The following LRRC4C variants were observed in gnomAD, a reference collection of about 807,000 sequenced individuals.
LRRC4C encodes the protein leucine rich repeat containing 4C.
A neutral mutation model predicts 33.6 loss-of-function variants in LRRC4C; 5 were observed. The ratio of observed to expected loss-of-function variants is 0.15; its 90% CI spans 0.08 to 0.31. The LOEUF is 0.31. Among genes scored for constraint, LRRC4C ranks in the 10% least tolerant of loss-of-function variants. The pLI, the probability that LRRC4C is intolerant of heterozygous loss-of-function variation, is 1.00. For missense variants in LRRC4C, 560 were observed against 796.7 expected, an observed-to-expected ratio of 0.70 and a Z score of 3.58; for synonymous variants, 329 against 302.0, an observed-to-expected ratio of 1.09 and a Z score of -0.93.
chr11:40,681,472 G>A (rs1006955857), intron 2 of LRRC4C, among the ~76,000 whole-genome samples: 1 of 152,190 alleles, frequency 6.6e-6, no homozygotes, highest in Non-Finnish European at 1.5e-5. Flanking sequence ...TTCTATGTGA[G>A]AAAGTCTTTG....
intron 2 of LRRC4C, among the ~76,000 whole-genome samples, chr11:40,856,128 A>T (rs1953769713): frequency 1.3e-5 from 2 of 152,140 alleles, no homozygotes; most frequent in South Asian, 4.1e-4. Context: ...GCCATCCATT[A>T]CTGTATGAGC....
At chr11:40,198,645 A>T (rs1862460536) in intron 5 of LRRC4C, among the ~76,000 whole-genome samples, 1 of 152,232 alleles carries the variant, frequency 6.6e-6, no homozygotes, top group African/African-American at 2.4e-5. Flanking sequence ...CTTATTTAGC[A>T]TAGGCACCCA....
intron 1 of LRRC4C, among the ~76,000 whole-genome samples, chr11:41,210,465 C>T (rs577812436): frequency 6.6e-6 from 1 of 152,094 alleles, no homozygotes; most frequent in Non-Finnish European, 1.5e-5. Flanking sequence ...TGATTGTGAG[C>T]CCTCCCCAGC....
chr11:41,413,875 C>G (rs940201481), intron 1 of LRRC4C, among the ~76,000 whole-genome samples: 4 of 152,140 alleles, frequency 2.6e-5, no homozygotes, highest in Admixed American at 6.6e-5. Context: ...TTGTGAGAAA[C>G]TTACAAATAT....
At chr11:41,202,905 C>T (rs994406926) in intron 1 of LRRC4C, among the ~76,000 whole-genome samples, 1 of 152,028 alleles carries the variant, frequency 6.6e-6, no homozygotes, top group Non-Finnish European at 1.5e-5. Context: ...CCTGCCTCAA[C>T]CTCCTGAGTA....
chr11:40,366,696 C>G (rs187620586), intron 3 of LRRC4C, among the ~76,000 whole-genome samples: 11 of 151,984 alleles, frequency 7.2e-5, no homozygotes, highest in African/African-American at 2.7e-4. Context: ...ACATAACAAA[C>G]ATTTTTGAGT....
chr11:40,669,201 T>A (rs1196537038), intron 2 of LRRC4C, among the ~76,000 whole-genome samples: 2 of 152,182 alleles, frequency 1.3e-5, no homozygotes, highest in Admixed American at 6.5e-5. Context: ...CCATATCGAA[T>A]TCACAAAATC....
chr11:40,385,878 A>ATAAATAAATAAATAAG (rs1186224973), intron 3 of LRRC4C, among the ~76,000 whole-genome samples: 1 of 149,152 alleles, frequency 6.7e-6, no homozygotes, highest in African/African-American at 2.4e-5. Flanking sequence ...AAATAAATAA[A>ATAAATAAATAAATAAG]TAAATAAATA....
Position 40,244,110 on chromosome 11 carries a change from T to A in LRRC4C, c.-175-2512A>T, listed in dbSNP as rs184923295. 3.5e-3 allele frequency among the ~76,000 whole-genome samples: 526 copies of A among 152,208 alleles called. 3 individuals carry two copies. The highest frequency in any genetic ancestry group is 5.7e-3 in the Non-Finnish European group (385 of 68,010). On this transcript the variant is annotated intron_variant, in intron 4 of 6. Coordinates refer to ENST00000528697, the MANE Select transcript of LRRC4C (RefSeq NM_001258419.2). ...AGCGAACCTAGAAGTTTATAGTCTG[T>A]TTAAGTAGTGGAGATGCACAAACAA...
intron 3 of LRRC4C, among the ~76,000 whole-genome samples, chr11:40,479,962 G>A (rs1219984447): frequency 6.6e-6 from 1 of 152,170 alleles, no homozygotes; most frequent in Non-Finnish European, 1.5e-5. Context: ...TCTACTGGAT[G>A]TATGAGTCTG....
intron 2 of LRRC4C, among the ~76,000 whole-genome samples, chr11:40,800,000 TAG>T (rs897073757): frequency 1.3e-5 from 2 of 152,054 alleles, no homozygotes; most frequent in African/African-American, 4.8e-5. Flanking sequence ...CTAAAACATG[TAG>T]CTAAGAAAAG....
chr11:40,266,440 C>A (rs1481532103), intron 4 of LRRC4C, among the ~76,000 whole-genome samples: 1 of 152,126 alleles, frequency 6.6e-6, no homozygotes, highest in Non-Finnish European at 1.5e-5. Flanking sequence ...GCACTTCAGC[C>A]TGGATGACAG....
At chr11:41,347,611 G>A (rs1951844991) in intron 1 of LRRC4C, among the ~76,000 whole-genome samples, 1 of 152,136 alleles carries the variant, frequency 6.6e-6, no homozygotes, top group South Asian at 2.1e-4. Context: ...AAGGTAGTAA[G>A]TACAGAAAGT....
rs538921274 is a variant in LRRC4C, at chr11:41,387,564, G to A, written c.-496+71867C>T. ...GAAAAAAATACAGAGTATTTTTTGA[G>A]GAGAGATGGTAATTATTCTCTGCTT... On this transcript the variant is annotated intron_variant, in intron 1 of 6. Transcript: ENST00000528697. Among the ~76,000 whole-genome samples, 3 of 151,762 alleles carry A rather than the reference G, an allele frequency of 2.0e-5. No homozygotes were observed. The East Asian group carries it at 5.8e-4, about 30-fold the overall frequency.
intron 1 of LRRC4C, among the ~76,000 whole-genome samples, chr11:41,458,731 G>C (rs577309598): frequency 1.3e-5 from 2 of 152,076 alleles, no homozygotes; most frequent in Non-Finnish European, 2.9e-5. Flanking sequence ...TAGGGTAAGA[G>C]GATGTTCCAA....
intron 2 of LRRC4C, among the ~76,000 whole-genome samples, chr11:40,669,669 A>G (rs1424525069): frequency 6.6e-6 from 1 of 152,176 alleles, no homozygotes; most frequent in Non-Finnish European, 1.5e-5. Flanking sequence ...GGTACTCCCA[A>G]TATATCTTCT....
chr11:40,618,071 G>A (rs373559393), intron 3 of LRRC4C, among the ~76,000 whole-genome samples: 43 of 151,758 alleles, frequency 2.8e-4, no homozygotes, highest in African/African-American at 6.8e-4. Context: ...TTGAACCAGC[G>A]TGAATTAGGT....
chr11:41,439,775 T>G (rs1955553967), intron 1 of LRRC4C, among the ~76,000 whole-genome samples: 1 of 152,178 alleles, frequency 6.6e-6, no homozygotes, highest in African/African-American at 2.4e-5. Flanking sequence ...CCAGTTTAGT[T>G]AGTATGGGTG....
intron 1 of LRRC4C, among the ~76,000 whole-genome samples, chr11:41,035,740 C>T (rs536826552): frequency 2.6e-5 from 4 of 151,958 alleles, no homozygotes; most frequent in Non-Finnish European, 1.5e-5. Context: ...AATAAGGAAA[C>T]TGAAACCAAA....
Sources: allele counts gnomAD v4.1 joint callset (sites outside exome capture counted in the v4.1 genomes callset), GRCh38; gene constraint gnomAD v4.1.1; transcripts MANE v1.5; gene names NCBI Gene and HGNC (gene_info 2026-07-23, HGNC 2026-07-21).